COL19A1: variants seen among roughly 807,000 people sequenced by gnomAD.
COL19A1 encodes collagen alpha-1(XIX) chain.
Under a neutral mutation model 190.2 loss-of-function variants are expected in COL19A1, and 159 were observed. The ratio of observed to expected loss-of-function variants is 0.84; its 90% CI spans 0.73 to 0.95. COL19A1 has a LOEUF of 0.95. COL19A1 is among the 40% of genes least tolerant of loss of function. COL19A1 has a pLI of 0.00. For missense variants in COL19A1, 1,418 were observed against 1,431.9 expected, an observed-to-expected ratio of 0.99 and a Z score of 0.16; for synonymous variants, 509 against 458.9, an observed-to-expected ratio of 1.11 and a Z score of -1.39.
At position 70,149,971 on chromosome 6, in the gene COL19A1, C is replaced by T. The variant is rs778930503; in HGVS notation, c.1984-21C>T. 4.3e-6 allele frequency: 7 copies of T among 1,613,758 alleles called. No individual in the cohort carries two copies. The East Asian group carries it at 1.3e-4, about 31-fold the overall frequency. ...ACCTGTGCCACGTGCAAAGATTGAACATGGATACCTCTGTTTTCAGGGAGT... is the reference window on the plus strand; with the variant it reads ...ACCTGTGCCACGTGCAAAGATTGAATATGGATACCTCTGTTTTCAGGGAGT... On this transcript the variant is annotated intron_variant, in intron 29 of 50. Transcript: ENST00000620364.
chr6:70,036,684 ATCT>A (rs1779373100), intron 14 of COL19A1, among the ~76,000 whole-genome samples: 1 of 152,160 alleles, frequency 6.6e-6, no homozygotes, highest in South Asian at 2.1e-4. Context: ...TTTAAAAAAG[ATCT>A]TCTATAGCCT....
At chr6:69,965,944 G>A (rs1195352841) in intron 11 of COL19A1, among the ~76,000 whole-genome samples, 1 of 152,134 alleles carries the variant, frequency 6.6e-6, no homozygotes, top group Non-Finnish European at 1.5e-5. Flanking sequence ...GTAGTCTTCT[G>A]GGGATTTTCC....
At chr6:70,088,780 A>G (rs1782737844) in intron 15 of COL19A1, among the ~76,000 whole-genome samples, 1 of 152,180 alleles carries the variant, frequency 6.6e-6, no homozygotes, top group African/African-American at 2.4e-5. Flanking sequence ...ACTCTCCAAC[A>G]TCCAGCATAT....
intron 2 of COL19A1, among the ~76,000 whole-genome samples, chr6:69,887,030 G>A (rs753993540): frequency 2.0e-5 from 3 of 152,074 alleles, no homozygotes; most frequent in Non-Finnish European, 1.5e-5. Context: ...GGCTTTTAGT[G>A]TAGAAAGACT....
At chr6:70,162,063 TC>T in intron 35 of COL19A1, 110 bp downstream of exon 35, 1 of 958,890 alleles carries the variant, frequency 1.0e-6, no homozygotes, top group Non-Finnish European at 1.5e-6. Flanking sequence ...ATGTAGATTG[TC>T]CAGATATTGC....
intron 11 of COL19A1, among the ~76,000 whole-genome samples, chr6:69,992,749 T>C (rs1776699808): frequency 6.6e-6 from 1 of 152,228 alleles, no homozygotes; most frequent in African/African-American, 2.4e-5. Context: ...GATTTGGCTC[T>C]CAGCTTGGAC....
chr6:70,092,139 G>A (rs992488519), intron 15 of COL19A1, among the ~76,000 whole-genome samples: 1 of 152,116 alleles, frequency 6.6e-6, no homozygotes, highest in Non-Finnish European at 1.5e-5. Context: ...GAAGAGAAGA[G>A]AACCGAAGAG....
intron 4 of COL19A1, among the ~76,000 whole-genome samples, chr6:69,904,816 C>G (rs191269539): frequency 6.6e-6 from 1 of 152,326 alleles, no homozygotes; most frequent in East Asian, 1.9e-4. Flanking sequence ...CCCTCACCCC[C>G]GGTTCTGCTA....
chr6:70,027,291 T>C (rs983626982), intron 12 of COL19A1, among the ~76,000 whole-genome samples: 11 of 152,192 alleles, frequency 7.2e-5, no homozygotes, highest in Admixed American at 3.9e-4. Flanking sequence ...TAATAACTTA[T>C]TTTGTGCCAG....
chr6:70,137,687 T>G lies in COL19A1; in HGVS notation c.1386T>G (p.Gly462=). The G allele has an allele frequency of 6.2e-7, 1 of 1,613,244 alleles. No homozygotes were observed. The highest frequency in any genetic ancestry group is 1.3e-5 in the African/African-American group (1 of 74,996). The change falls in exon 19 of 51, where the codon GGT becomes GGG. Residue 462 remains glycine, a splice_region_variant and synonymous_variant. Coordinates refer to ENST00000620364, the MANE Select transcript of COL19A1 (RefSeq NM_001858.6). ...HEAGGLKGDK[G]ETGLPGFPGS... Reference sequence around the variant, plus strand: ...TCTCTTCTGCTTTGTCTTGAAAGGGTGAAACTGGACTACCAGGATTTCCAG... The same window carrying G: ...TCTCTTCTGCTTTGTCTTGAAAGGGGGAAACTGGACTACCAGGATTTCCAG...
chr6:70,028,976 G>A (rs1484406328), intron 12 of COL19A1, among the ~76,000 whole-genome samples: 3 of 152,090 alleles, frequency 2.0e-5, no homozygotes, highest in Non-Finnish European at 4.4e-5. Context: ...AGACTTAATT[G>A]TTGAGTTGTC....
chr6:70,135,032 G>A (rs541152745), intron 18 of COL19A1, among the ~76,000 whole-genome samples: 96 of 152,116 alleles, frequency 6.3e-4, no homozygotes, highest in Non-Finnish European at 1.2e-3. Flanking sequence ...CCCCGTCCGC[G>A]GCACTAATTT....
chr6:70,070,284 C>T (rs1196208317), intron 15 of COL19A1, among the ~76,000 whole-genome samples: 2 of 151,978 alleles, frequency 1.3e-5, no homozygotes, highest in African/African-American at 4.8e-5. Flanking sequence ...CATGTATTTT[C>T]CATGATAATA....
intron 2 of COL19A1, among the ~76,000 whole-genome samples, chr6:69,898,066 A>G (rs540221668): frequency 5.3e-4 from 80 of 150,802 alleles, no homozygotes; most frequent in African/African-American, 1.9e-3. Flanking sequence ...TCTCCTCTCT[A>G]TATTAAAAAC....
intron 4 of COL19A1, among the ~76,000 whole-genome samples, chr6:69,911,265 A>G (rs1009212498): frequency 1.3e-5 from 2 of 152,224 alleles, no homozygotes; most frequent in African/African-American, 4.8e-5. Flanking sequence ...ACAAATGCTA[A>G]TTAGAAAATA....
chr6:70,134,884 A>C (rs1046180086), intron 18 of COL19A1, among the ~76,000 whole-genome samples: 1 of 152,184 alleles, frequency 6.6e-6, no homozygotes, highest in Non-Finnish European at 1.5e-5. Context: ...GACACTATTT[A>C]CCTGGTGGTA....
At chr6:69,962,414 GCTTT>G (rs1774857990) in intron 10 of COL19A1, among the ~76,000 whole-genome samples, 1 of 152,192 alleles carries the variant, frequency 6.6e-6, no homozygotes, top group African/African-American at 2.4e-5. Flanking sequence ...ATAGAAGTCA[GCTTT>G]CTAAGAAGGC....
At chr6:69,967,012 A>C (rs1487150365) in intron 11 of COL19A1, among the ~76,000 whole-genome samples, 1 of 152,214 alleles carries the variant, frequency 6.6e-6, no homozygotes, top group Non-Finnish European at 1.5e-5. Context: ...GTTTGCTTTT[A>C]AAATGATGAT....
chr6:69,885,856 G>A (rs1006134080), intron 2 of COL19A1, among the ~76,000 whole-genome samples: 16 of 144,824 alleles, frequency 1.1e-4, no homozygotes, highest in Middle Eastern at 6.9e-3. Flanking sequence ...ATGTCTAAAT[G>A]TAATCACAAA....
Sources: gnomAD v4.1 joint callset for allele counts (sites outside exome capture counted in the v4.1 genomes callset) on GRCh38, gnomAD v4.1.1 for gene constraint, MANE v1.5 for transcripts, NCBI Gene and HGNC (gene_info 2026-07-23, HGNC 2026-07-21) for gene names.